The following NAV2 variants were observed in gnomAD, a reference collection of about 807,000 sequenced individuals.
The protein encoded by NAV2 is neuron navigator 2.
Under a neutral mutation model 223.2 loss-of-function variants are expected in NAV2, and 54 were observed. The observed-to-expected ratio is 0.24, with a 90% CI of 0.19 to 0.30. NAV2 has a LOEUF of 0.30. Ranked by LOEUF, NAV2 falls within the 10% of genes least tolerant of loss-of-function variation. NAV2 has a pLI of 1.00. For synonymous variants in NAV2, 1,279 were observed against 1,239.3 expected, an observed-to-expected ratio of 1.03 and a Z score of -0.67; for missense variants, 2,806 against 3,147.5, an observed-to-expected ratio of 0.89 and a Z score of 2.60.
chr11:19,527,014 C>G (rs544915718), intron 1 of NAV2, among the ~76,000 whole-genome samples: 1 of 152,098 alleles, frequency 6.6e-6, no homozygotes, highest in Non-Finnish European at 1.5e-5. Flanking sequence ...TTTCTCCATG[C>G]TATGGCATCT....
intron 6 of NAV2, among the ~76,000 whole-genome samples, chr11:19,906,312 T>C (rs926606583): frequency 6.6e-6 from 1 of 152,214 alleles, no homozygotes; most frequent in African/African-American, 2.4e-5. Context: ...GTCTTCATTC[T>C]GTTGGCCAAA....
chr11:19,375,642 G>A (rs903822568), intron 1 of NAV2, among the ~76,000 whole-genome samples: 4 of 152,088 alleles, frequency 2.6e-5, no homozygotes, highest in East Asian at 1.9e-4. Context: ...GCTGTGGCTC[G>A]GATGGACCTA....
intron 1 of NAV2, among the ~76,000 whole-genome samples, chr11:19,607,071 A>G (rs2046493712): frequency 6.6e-6 from 1 of 152,206 alleles, no homozygotes; most frequent in Non-Finnish European, 1.5e-5. Context: ...CTGGGCTCTA[A>G]TCGGACTTGC....
chr11:20,096,112 G>A (rs796162623), intron 30 of NAV2, among the ~76,000 whole-genome samples: 2 of 152,330 alleles, frequency 1.3e-5, no homozygotes, highest in African/African-American at 4.8e-5. Context: ...TTCGGAGTAT[G>A]TAATCTGTGG....
intron 1 of NAV2, among the ~76,000 whole-genome samples, chr11:19,822,536 A>G (rs193052384): frequency 7.2e-5 from 11 of 152,308 alleles, no homozygotes; most frequent in Admixed American, 7.2e-4. Context: ...TGAAAATCCT[A>G]ATTAATGAGA....
At chr11:19,456,072 G>T (rs184275723) in intron 1 of NAV2, among the ~76,000 whole-genome samples, 3 of 152,324 alleles carry the variant, frequency 2.0e-5, no homozygotes, top group Admixed American at 1.3e-4. Context: ...CACCAAGGAG[G>T]TATAACAATG....
chr11:19,892,264 A>G (rs1160312468), intron 5 of NAV2, among the ~76,000 whole-genome samples, 170 bp from the exon 6 acceptor site: 1 of 152,216 alleles, frequency 6.6e-6, no homozygotes, highest in Non-Finnish European at 1.5e-5. Flanking sequence ...TGCTGGGGTC[A>G]TTACTTGCCT....
rs373809196 is a variant in NAV2, at chr11:20,026,986, A to G, written c.2769-8973A>G. 4.6e-5 allele frequency among the ~76,000 whole-genome samples: 7 copies of G among 152,360 alleles called. No individual in the cohort carries two copies. In the East Asian group the frequency reaches 5.8e-4, roughly 13 times the overall value. Reference sequence around the variant, plus strand: ...GAGGATTAACTGAAATAATGTATGTAGTGCAGTTAGCACAGGGGCTGACAA... The same window carrying G: ...GAGGATTAACTGAAATAATGTATGTGGTGCAGTTAGCACAGGGGCTGACAA... On this transcript the variant is annotated intron_variant, in intron 11 of 37. Transcript: ENST00000349880.
At chr11:19,714,645 CCGAAG>C in intron 1 of NAV2, 1 of 369,134 alleles carries the variant, frequency 2.7e-6, no homozygotes, top group African/African-American at 2.1e-5. Context: ...AGAATGGCGG[CCGAAG>C]CTAAGCCCCT....
At chr11:19,425,065 G>T (rs1850772849) in intron 1 of NAV2, among the ~76,000 whole-genome samples, 1 of 152,118 alleles carries the variant, frequency 6.6e-6, no homozygotes, top group Admixed American at 6.6e-5. Flanking sequence ...GTACACATTT[G>T]TGGAATACAA....
chr11:19,933,142 T>C lies in NAV2; in HGVS notation c.932-34T>C. 1 of 1,487,684 alleles carries C rather than the reference T, an allele frequency of 6.7e-7. No homozygotes were observed. The allele number at this position is 1,487,684 out of a possible 1,614,324, so 92.2% of individuals were successfully genotyped here. Reference sequence around the variant, plus strand: ...CTGGTCTTCAGTGCAGGTCAACAAGTATGATTCAGGCCTCCTCTCTTCTGT... The same window carrying C: ...CTGGTCTTCAGTGCAGGTCAACAAGCATGATTCAGGCCTCCTCTCTTCTGT... On this transcript the variant is annotated intron_variant, in intron 6 of 37. Transcript: ENST00000349880. The surrounding 1 kb of genome is among the most constrained non-coding windows in gnomAD (Gnocchi z 4.3).
At chr11:19,956,540 G>C (rs2047898225) in intron 10 of NAV2, among the ~76,000 whole-genome samples, 1 of 152,122 alleles carries the variant, frequency 6.6e-6, no homozygotes, top group Admixed American at 6.5e-5. Context: ...ATGGCTCAGA[G>C]AACTCAGGGG....
intron 1 of NAV2, among the ~76,000 whole-genome samples, chr11:19,544,716 A>G (rs72893398): frequency 6.6e-6 from 1 of 152,196 alleles, no homozygotes; most frequent in African/African-American, 2.4e-5. Flanking sequence ...CACAGAAAGC[A>G]TGGAAAGTAA....
chr11:20,119,744 C>T lies in NAV2; in HGVS notation c.*1486C>T, dbSNP rs1164574501. On this transcript the variant is annotated 3_prime_UTR_variant, in exon 38 of 38. Transcript: ENST00000349880. ...AAACAGGGCTAAAAAGTCATCTGTTCATTAGGAGAACTCAAGTTGCTGTGA... is the reference window on the plus strand; with the variant it reads ...AAACAGGGCTAAAAAGTCATCTGTTTATTAGGAGAACTCAAGTTGCTGTGA... 6.6e-6 allele frequency: 1 copy of T among 152,190 alleles called. No individual in the cohort carries two copies. Among genetic ancestry groups the T allele is most frequent in the African/African-American group, 2.4e-5 (1 of 41,238 alleles). 9.4% of individuals were successfully genotyped at this position (152,190 alleles called of 1,614,324 possible). A position where few individuals can be genotyped will look rare whatever the true frequency, so the allele number is the denominator to read the frequency against.
At chr11:19,420,444 A>G (rs906072004) in intron 1 of NAV2, among the ~76,000 whole-genome samples, 1 of 152,218 alleles carries the variant, frequency 6.6e-6, no homozygotes. Context: ...CCCAAAAGAA[A>G]TGAAGGCAAA....
Position 19,772,118 on chromosome 11 carries a change from G to A in NAV2, c.267+58156G>A, listed in dbSNP as rs532484899. ...GCCTACCAACTGTGTACTTCCACAA[G>A]CTTTTTATTTTAATTTTTATACATC... On this transcript the variant is annotated intron_variant, in intron 1 of 37. Coordinates refer to ENST00000349880, the MANE Select transcript of NAV2 (RefSeq NM_145117.5). 2.9e-4 allele frequency among the ~76,000 whole-genome samples: 44 copies of A among 152,280 alleles called. 2 individuals carry two copies. In the South Asian group the frequency reaches 8.3e-3, roughly 29 times the overall value.
At chr11:20,064,864 C>G (rs993456491) in intron 20 of NAV2, among the ~76,000 whole-genome samples, 1 of 152,162 alleles carries the variant, frequency 6.6e-6, no homozygotes. Flanking sequence ...GACAAGTCAT[C>G]TGGTTATTCA....
chr11:19,927,226 A>G (rs747311569), intron 6 of NAV2, among the ~76,000 whole-genome samples: 12 of 152,294 alleles, frequency 7.9e-5, no homozygotes, highest in Non-Finnish European at 1.6e-4. Context: ...CCAACCTTGT[A>G]AGCTGGTCTT....
At chr11:19,956,940 G>A (rs2047935229) in intron 10 of NAV2, among the ~76,000 whole-genome samples, 1 of 152,144 alleles carries the variant, frequency 6.6e-6, no homozygotes, top group Non-Finnish European at 1.5e-5. Context: ...CACCTCAGTA[G>A]CATAAGCCCA....
Sources: allele counts gnomAD v4.1 joint callset (sites outside exome capture counted in the v4.1 genomes callset), GRCh38; gene constraint gnomAD v4.1.1; non-coding constraint Gnocchi (gnomAD v3.1); transcripts MANE v1.5; gene names NCBI Gene and HGNC (gene_info 2026-07-23, HGNC 2026-07-21).